The following NUBPL variants were observed in gnomAD, a reference collection of about 807,000 sequenced individuals.
NUBPL encodes the protein iron-sulfur cluster transfer protein NUBPL.
Under a neutral mutation model 45.7 loss-of-function variants are expected in NUBPL, and 31 were observed. The ratio of observed to expected loss-of-function variants is 0.68; its 90% CI spans 0.51 to 0.92. The LOEUF (loss-of-function observed/expected upper bound fraction) is 0.92, where lower values mean the gene tolerates loss of function less well. Among genes scored for constraint, NUBPL ranks in the 40% least tolerant of loss-of-function variants. NUBPL has a pLI of 0.00. For synonymous variants in NUBPL, 144 were observed against 140.9 expected, an observed-to-expected ratio of 1.02 and a Z score of -0.15; for missense variants, 401 against 398.7, an observed-to-expected ratio of 1.01 and a Z score of -0.05.
intron 6 of NUBPL, among the ~76,000 whole-genome samples, chr14:31,754,423 G>C (rs145831333): frequency 3.1e-4 from 47 of 152,008 alleles, no homozygotes; most frequent in African/African-American, 1.1e-3. Context: ...AGAGAAACAT[G>C]GTAAGTGAAA....
intron 10 of NUBPL, among the ~76,000 whole-genome samples, chr14:31,850,615 A>AT (rs60195068): frequency 0.26 from 39,794 of 151,364 alleles, 7,869 homozygotes; most frequent in African/African-American, 0.56. Context: ...TAGAGGTGGG[A>AT]TTTTTTTTTC....
chr14:31,644,947 T>G (rs2035803231), intron 4 of NUBPL, among the ~76,000 whole-genome samples: 1 of 152,194 alleles, frequency 6.6e-6, no homozygotes, highest in Non-Finnish European at 1.5e-5. Context: ...TCATCTTACC[T>G]GATACAAATA....
chr14:31,586,364 T>A (rs926889609), intron 3 of NUBPL, among the ~76,000 whole-genome samples: 2 of 152,094 alleles, frequency 1.3e-5, no homozygotes, highest in African/African-American at 4.8e-5. Context: ...AGGTAATAAT[T>A]TGAAGGTGAG....
intron 6 of NUBPL, among the ~76,000 whole-genome samples, chr14:31,731,837 T>A (rs1332610396): frequency 1.3e-5 from 2 of 152,142 alleles, no homozygotes; most frequent in African/African-American, 4.8e-5. Flanking sequence ...CTTGGTCAAA[T>A]GTATAACATA....
intron 6 of NUBPL, among the ~76,000 whole-genome samples, chr14:31,693,065 T>A (rs1456924575): frequency 6.6e-6 from 1 of 152,218 alleles, no homozygotes; most frequent in Admixed American, 6.5e-5. Flanking sequence ...AAAGTCAGTA[T>A]AAGGAAAACA....
chr14:31,781,166 C>T (rs1430739275), intron 6 of NUBPL, among the ~76,000 whole-genome samples: 4 of 152,108 alleles, frequency 2.6e-5, no homozygotes, highest in Non-Finnish European at 4.4e-5. Flanking sequence ...TAGGTCACTG[C>T]CAAATAGTAG....
At chr14:31,607,677 T>C (rs111608937) in intron 4 of NUBPL, among the ~76,000 whole-genome samples, 24 of 151,834 alleles carry the variant, frequency 1.6e-4, no homozygotes, top group African/African-American at 4.8e-4. Context: ...TATTTGAAAA[T>C]ATATAGTCAG....
chr14:31,621,614 C>T (rs1232568613), intron 4 of NUBPL, among the ~76,000 whole-genome samples: 2 of 152,170 alleles, frequency 1.3e-5, no homozygotes, highest in Non-Finnish European at 2.9e-5. Flanking sequence ...CTCCATGGGC[C>T]GTACCCACTG....
intron 4 of NUBPL, among the ~76,000 whole-genome samples, chr14:31,656,135 A>G (rs144836633): frequency 1.5e-3 from 221 of 152,100 alleles, no homozygotes; most frequent in Middle Eastern, 0.014. Context: ...GCTACCTTCC[A>G]ACTTTTCTTC....
intron 7 of NUBPL, among the ~76,000 whole-genome samples, chr14:31,802,868 A>C (rs1224911691): frequency 6.6e-6 from 1 of 152,228 alleles, no homozygotes; most frequent in Non-Finnish European, 1.5e-5. Context: ...GAGATGAGAT[A>C]GGAGTTTTAA....
chr14:31,637,744 C>G (rs752744916), intron 4 of NUBPL, among the ~76,000 whole-genome samples: 56 of 152,194 alleles, frequency 3.7e-4, no homozygotes, highest in Non-Finnish European at 6.8e-4. Flanking sequence ...GTAGGTCACT[C>G]AGGACTTGCT....
rs369958143 is a variant in NUBPL, at chr14:31,729,275, TCC to T, written c.513+55713_513+55714del. ...GCCTGGGTGACAGAGAGATGCTCCA[TCC>T]CCCCCCCCCCCAAAAAAAAAGTCAT... On this transcript the variant is annotated intron_variant, in intron 6 of 10. Transcript: ENST00000281081. Among the ~76,000 whole-genome samples the T allele has an allele frequency of 4.2e-3, 235 of 55,572 alleles. 4 individuals carry two copies. The highest frequency in any genetic ancestry group is 9.8e-3 in the African/African-American group (179 of 18,290). 36.5% of individuals were successfully genotyped at this position (55,572 alleles called of 152,430 possible).
At chr14:31,649,148 A>C (rs1424883486) in intron 4 of NUBPL, among the ~76,000 whole-genome samples, 3 of 152,194 alleles carry the variant, frequency 2.0e-5, no homozygotes, top group Non-Finnish European at 2.9e-5. Context: ...CACAATACTT[A>C]GGAGGATTTT....
At chr14:31,692,892 G>A (rs1041474069) in intron 6 of NUBPL, among the ~76,000 whole-genome samples, 2 of 152,146 alleles carry the variant, frequency 1.3e-5, no homozygotes, top group Non-Finnish European at 2.9e-5. Context: ...TATACAAGAA[G>A]CTGTAATAGG....
In NUBPL at chr14:31,859,214, G is replaced by A; in HGVS notation, c.*34G>A. The A allele has an allele frequency of 1.3e-6, 2 of 1,541,456 alleles. No homozygotes were observed. The highest frequency in any genetic ancestry group is 1.8e-6 in the Non-Finnish European group (2 of 1,114,166). ...GTGTCCTGGAAATTTGCCTGGTACT[G>A]ACATTAAGAGGACCTTTGGAAATCA... On this transcript the variant is annotated 3_prime_UTR_variant, in exon 11 of 11. Transcript: ENST00000281081.
chr14:31,808,639 G>C (rs1199819635), intron 7 of NUBPL, among the ~76,000 whole-genome samples: 1 of 152,174 alleles, frequency 6.6e-6, no homozygotes, highest in East Asian at 1.9e-4. Flanking sequence ...GCCCTGGCCA[G>C]AACTTCCAAC....
At chr14:31,608,561 G>A (rs2034666277) in intron 4 of NUBPL, among the ~76,000 whole-genome samples, 1 of 151,800 alleles carries the variant, frequency 6.6e-6, no homozygotes, top group Admixed American at 6.6e-5. Flanking sequence ...CAAAAAAAAA[G>A]AAACAAAGAA....
At chr14:31,653,506 T>C (rs1490754055) in intron 4 of NUBPL, among the ~76,000 whole-genome samples, 3 of 152,218 alleles carry the variant, frequency 2.0e-5, no homozygotes, top group Non-Finnish European at 2.9e-5. Flanking sequence ...ATAGGCTGTC[T>C]GCAAGAAGAA....
At chr14:31,725,051 T>G (rs1566525048) in intron 6 of NUBPL, among the ~76,000 whole-genome samples, 1 of 151,836 alleles carries the variant, frequency 6.6e-6, no homozygotes, top group Non-Finnish European at 1.5e-5. Context: ...ATTTTGAACT[T>G]TATTCCAAAT....
Sources: gnomAD v4.1 joint callset for allele counts (sites outside exome capture counted in the v4.1 genomes callset) on GRCh38, gnomAD v4.1.1 for gene constraint, MANE v1.5 for transcripts, NCBI Gene and HGNC (gene_info 2026-07-23, HGNC 2026-07-21) for gene names.